The following HYAL4 variants were observed in gnomAD, a reference collection of about 807,000 sequenced individuals.
HYAL4 encodes hyaluronidase-4.
A neutral mutation model predicts 35.2 loss-of-function variants in HYAL4; 37 were observed. The observed-to-expected ratio is 1.05, with a 90% confidence interval of 0.81 to 1.38. The LOEUF (loss-of-function observed/expected upper bound fraction) is 1.38. Among genes scored for constraint, HYAL4 ranks in the 40% most tolerant of loss-of-function variants. HYAL4 has a pLI of 0.00. For synonymous variants in HYAL4, 198 were observed against 203.2 expected (o/e 0.97, Z 0.22); for missense variants, 572 against 572.4 (o/e 1.00, Z 0.01).
chr7:123,804,682 A>T, the HYAL4 span, among the ~76,000 whole-genome samples: 2 of 152,044 alleles, frequency 1.3e-5, no homozygotes, highest in African/African-American at 4.8e-5. Context: ...CACACATTAG[A>T]CCTTGAACTT....
At chr7:123,835,281 A>G (rs1805947338) in intron 1 of HYAL4, among the ~76,000 whole-genome samples, 1 of 151,970 alleles carries the variant, frequency 6.6e-6, no homozygotes, top group South Asian at 2.1e-4. Flanking sequence ...TGTTCAGGGT[A>G]TCTAATTCTT....
At chr7:123,825,615 G>T (rs951622767), upstream of HYAL4, among the ~76,000 whole-genome samples, 3 of 152,028 alleles carry the variant, frequency 2.0e-5, no homozygotes, top group Non-Finnish European at 4.4e-5. Context: ...TATGATAAGG[G>T]CTGACTATGC....
intron 1 of HYAL4, among the ~76,000 whole-genome samples, 188 bp from the exon 2 acceptor site, chr7:123,847,899 CAA>C (rs1004236202): frequency 4.6e-5 from 7 of 152,076 alleles, no homozygotes; most frequent in Non-Finnish European, 1.5e-5. Flanking sequence ...GCTAAAGAGT[CAA>C]AGTTTTCTTT....
At position 123,849,265 on chromosome 7, in the gene HYAL4, G is replaced by GTC. The variant is rs10565638; in HGVS notation, c.-52+1126_-52+1127dup. ...GGAGTACCTGAATAACTAATGTACAGTCTCTCTCTCTCTCTCTCTCCCTCT... is the reference window on the plus strand; with the variant it reads ...GGAGTACCTGAATAACTAATGTACAGTCTCTCTCTCTCTCTCTCTCTCCCTCT... On this transcript the variant is annotated intron_variant, in intron 2 of 4. Transcript: ENST00000223026. Among the ~76,000 whole-genome samples the GTC allele has an allele frequency of 4.3e-4, 63 of 146,974 alleles. 1 individual carries two copies. Among genetic ancestry groups the GTC allele is most frequent in the South Asian group, 1.5e-3 (7 of 4,672 alleles).
chr7:123,776,773 A>G, the HYAL4 span, among the ~76,000 whole-genome samples: 1 of 152,104 alleles, frequency 6.6e-6, no homozygotes, highest in African/African-American at 2.4e-5. Flanking sequence ...CATGTCCTAC[A>G]TTTTGGGGCA....
At chr7:123,770,295 A>T in the HYAL4 span, among the ~76,000 whole-genome samples, 1 of 152,090 alleles carries the variant, frequency 6.6e-6, no homozygotes, top group Admixed American at 6.5e-5. Context: ...ACAAAAAGTT[A>T]GCTGGGTGTG....
rs143090098 is a variant in HYAL4, at chr7:123,864,522, AG to A, written c.-51-3699del. 4.3e-3 allele frequency among the ~76,000 whole-genome samples: 659 copies of A among 152,244 alleles called. 3 individuals carry two copies. The highest frequency in any genetic ancestry group is 0.015 in the African/African-American group (617 of 41,558). On this transcript the variant is annotated intron_variant, in intron 2 of 4. Coordinates refer to ENST00000223026, the MANE Select transcript of HYAL4 (RefSeq NM_012269.3). The stretch of plus-strand genomic sequence containing the variant: ...ATGGAAGGGGGAAGGGAGAAAGAAA[AG>A]GAAGGTTGCTATTGCTGGTGATATG...
At chr7:123,791,675 G>A in the HYAL4 span, among the ~76,000 whole-genome samples, 1 of 152,192 alleles carries the variant, frequency 6.6e-6, no homozygotes, top group Non-Finnish European at 1.5e-5. Context: ...AGACATGGAT[G>A]GCAGCTCAGT....
In HYAL4 at chr7:123,877,115, G is replaced by T. The variant is rs1438955682; in HGVS notation, c.1406G>T (p.Cys469Phe). The T allele has an allele frequency of 8.7e-6, 14 of 1,614,146 alleles. No homozygotes were observed. Among genetic ancestry groups the T allele is most frequent in the Non-Finnish European group, 1.1e-5 (13 of 1,180,030 alleles). ...SPSPGSLMTL[C>F]LLLLASYRSI... ...TCTCCTGGTTCACTAATGACACTTT[G>T]TCTACTGCTTTTAGCAAGTTATCGA... The change falls in exon 5 of 5, where the codon TGT (cysteine) becomes TTT (phenylalanine). Residue 469 changes from cysteine to phenylalanine, a missense_variant. Cys to Phe is a radical substitution (Grantham distance 205, BLOSUM62 -2). Transcript: ENST00000223026.
intron 1 of HYAL4, among the ~76,000 whole-genome samples, chr7:123,833,013 G>A (rs543704000): frequency 6.6e-6 from 1 of 152,180 alleles, no homozygotes; most frequent in South Asian, 2.1e-4. Context: ...TGGGCTTTTG[G>A]GTTGGTTCCA....
At chr7:123,816,654 T>C in the HYAL4 span, among the ~76,000 whole-genome samples, 4 of 152,318 alleles carry the variant, frequency 2.6e-5, no homozygotes, top group East Asian at 7.7e-4. Context: ...ATTAGACTTT[T>C]AAAGTAAATT....
chr7:123,861,299 A>C (rs564386208), intron 2 of HYAL4, among the ~76,000 whole-genome samples: 2 of 152,292 alleles, frequency 1.3e-5, no homozygotes, highest in South Asian at 4.2e-4. Context: ...TGGACATTGG[A>C]AAGACTTAAA....
At chr7:123,873,940 G>A (rs542176890) in intron 3 of HYAL4, among the ~76,000 whole-genome samples, 24 of 152,250 alleles carry the variant, frequency 1.6e-4, no homozygotes, top group African/African-American at 5.8e-4. Flanking sequence ...ATAAAAGCTG[G>A]ACCAAATCAG....
At chr7:123,834,564 A>G (rs190186307) in intron 1 of HYAL4, among the ~76,000 whole-genome samples, 1 of 151,744 alleles carries the variant, frequency 6.6e-6, no homozygotes. Context: ...ACCGATTTGG[A>G]TGTTATTTCT....
chr7:123,772,910 A>G, the HYAL4 span, among the ~76,000 whole-genome samples: 10,059 of 152,256 alleles, frequency 0.066, 423 homozygotes, highest in East Asian at 0.11. Flanking sequence ...TTAAAAAACG[A>G]AATCTGATGT....
the HYAL4 span, among the ~76,000 whole-genome samples, chr7:123,770,417 G>C: frequency 3.3e-5 from 5 of 150,868 alleles, no homozygotes; most frequent in African/African-American, 1.2e-4. Context: ...ACTCAAGCCT[G>C]GGCGGCAGAG....
the HYAL4 span, among the ~76,000 whole-genome samples, chr7:123,792,822 T>C: frequency 6.6e-6 from 1 of 152,116 alleles, no homozygotes; most frequent in Admixed American, 6.5e-5. Context: ...TCATAACACA[T>C]TGATGCTCAG....
chr7:123,782,159 C>G, the HYAL4 span, among the ~76,000 whole-genome samples: 9 of 152,076 alleles, frequency 5.9e-5, no homozygotes, highest in Non-Finnish European at 1.5e-5. Flanking sequence ...TGGTTAATAT[C>G]AATAATACAA....
At chr7:123,764,286 A>C in the HYAL4 span, among the ~76,000 whole-genome samples, 1 of 152,110 alleles carries the variant, frequency 6.6e-6, no homozygotes, top group African/African-American at 2.4e-5. Flanking sequence ...TTCAATATTT[A>C]TGTTGGGTGT....
Sources: allele counts gnomAD v4.1 joint callset (sites outside exome capture counted in the v4.1 genomes callset), GRCh38; gene constraint gnomAD v4.1.1; transcripts MANE v1.5; gene names NCBI Gene and HGNC (gene_info 2026-07-23, HGNC 2026-07-21).